Variants in UBAC2 observed in about 807,000 individuals in gnomAD.
UBAC2 encodes ubiquitin-associated domain-containing protein 2.
UBAC2 carries 26 observed loss-of-function variants against 44.0 expected under a neutral mutation model. The observed-to-expected ratio is 0.59, with a 90% confidence interval of 0.43 to 0.82. The LOEUF (loss-of-function observed/expected upper bound fraction) is 0.82. Ranked by LOEUF, UBAC2 falls within the 40% of genes least tolerant of loss-of-function variation. The pLI is 0.00. For synonymous variants in UBAC2, 155 were observed against 154.3 expected, an observed-to-expected ratio of 1.00 and a Z score of -0.04; for missense variants, 329 against 419.4, an observed-to-expected ratio of 0.78 and a Z score of 1.88.
chr13:99,316,286 G>A (rs532012988), intron 5 of UBAC2, among the ~76,000 whole-genome samples: 2 of 152,076 alleles, frequency 1.3e-5, no homozygotes, highest in South Asian at 2.1e-4. Context: ...TTGAAGGAGT[G>A]TAACTGAACT....
intron 1 of UBAC2, among the ~76,000 whole-genome samples, chr13:99,207,574 TCCGTC>T: frequency 6.6e-6 from 1 of 152,324 alleles, no homozygotes; most frequent in East Asian, 1.9e-4. Flanking sequence ...GTGGCCTGCT[TCCGTC>T]CCGCTATACC....
At chr13:99,297,550 T>C (rs562758117) in intron 4 of UBAC2, among the ~76,000 whole-genome samples, 6 of 152,238 alleles carry the variant, frequency 3.9e-5, no homozygotes, top group Admixed American at 3.3e-4. Flanking sequence ...TAGCAGAGGA[T>C]TGTGGTCATG....
intron 8 of UBAC2, among the ~76,000 whole-genome samples, chr13:99,368,728 C>CGTGTGTGTGT (rs1566525823): frequency 3.8e-3 from 347 of 91,106 alleles, no homozygotes; most frequent in African/African-American, 9.1e-3. Context: ...TGTGTGTGTA[C>CGTGTGTGTGT]ACATACCCTC....
At chr13:99,317,605 A>T (rs2044510015) in intron 5 of UBAC2, among the ~76,000 whole-genome samples, 1 of 152,216 alleles carries the variant, frequency 6.6e-6, no homozygotes, top group African/African-American at 2.4e-5. Context: ...AGAAATTAAA[A>T]TGAGAAAGTT....
chr13:99,309,308 A>G (rs954309032), intron 4 of UBAC2, among the ~76,000 whole-genome samples: 11 of 151,750 alleles, frequency 7.2e-5, no homozygotes, highest in Admixed American at 2.0e-4. Context: ...ACAAGGTTTC[A>G]CCATGTTGGC....
At chr13:99,306,006 C>T (rs1279450358) in intron 4 of UBAC2, among the ~76,000 whole-genome samples, 1 of 152,158 alleles carries the variant, frequency 6.6e-6, no homozygotes, top group African/African-American at 2.4e-5. Context: ...AGGGATTCTC[C>T]TGCCTCACCC....
intron 4 of UBAC2, among the ~76,000 whole-genome samples, chr13:99,264,044 G>T (rs528140678): frequency 6.6e-6 from 1 of 152,202 alleles, no homozygotes; most frequent in Admixed American, 6.5e-5. Context: ...TGTATGGCAG[G>T]ATCCTGGAGC....
chr13:99,209,260 C>T (rs569967368), intron 1 of UBAC2, among the ~76,000 whole-genome samples: 24 of 152,214 alleles, frequency 1.6e-4, no homozygotes, highest in Non-Finnish European at 2.8e-4. Flanking sequence ...CAAGGATTCA[C>T]TTCACAAAGC....
chr13:99,304,469 C>A (rs1351847515), intron 4 of UBAC2, among the ~76,000 whole-genome samples: 3 of 152,022 alleles, frequency 2.0e-5, no homozygotes, highest in Non-Finnish European at 4.4e-5. Flanking sequence ...GAGTGGGGAC[C>A]CTATGGTGTT....
intron 2 of UBAC2, among the ~76,000 whole-genome samples, chr13:99,242,636 A>G (rs1339858222): frequency 1.7e-5 from 1 of 59,102 alleles, no homozygotes; most frequent in African/African-American, 6.7e-5. Context: ...CGGGGGGCTG[A>G]CCCCCCCACC....
In UBAC2 at chr13:99,318,083, C is replaced by T. The variant is rs1425343838; in HGVS notation, c.561+14C>T. 1.1e-5 allele frequency: 18 copies of T among 1,604,574 alleles called. No individual in the cohort carries two copies. The highest frequency in any genetic ancestry group is 1.4e-5 in the Non-Finnish European group (17 of 1,172,504). ...ATAAGTGGACTTGTAAGTGTGACTA[C>T]CCTTTTACACCCAATTCTCTCTCTC... On this transcript the variant is annotated intron_variant, in intron 6 of 8. Transcript: ENST00000403766.
chr13:99,229,403 C>T (rs151119372), intron 1 of UBAC2, among the ~76,000 whole-genome samples: 1 of 152,298 alleles, frequency 6.6e-6, no homozygotes, highest in East Asian at 1.9e-4. Flanking sequence ...CAGAAAGCAA[C>T]ATGTTCAGGA....
chr13:99,259,155 A>T (rs1172337099), intron 4 of UBAC2, among the ~76,000 whole-genome samples: 4 of 152,212 alleles, frequency 2.6e-5, no homozygotes, highest in Non-Finnish European at 5.9e-5. Context: ...TGAGCAACGA[A>T]TCGCTGCCTG....
At chr13:99,208,023 G>A (rs1475059904) in intron 1 of UBAC2, among the ~76,000 whole-genome samples, 1 of 124,238 alleles carries the variant, frequency 8.0e-6, no homozygotes, top group Non-Finnish European at 1.6e-5. Flanking sequence ...TTGAGGTGGA[G>A]TTTCGCTCTT....
At chr13:99,245,693 T>C (rs2043375205) in intron 4 of UBAC2, among the ~76,000 whole-genome samples, 1 of 152,098 alleles carries the variant, frequency 6.6e-6, no homozygotes, top group East Asian at 1.9e-4. Context: ...ATACAAAAAT[T>C]AGTTGGGCGT....
chr13:99,305,463 G>A (rs567596573), intron 4 of UBAC2, among the ~76,000 whole-genome samples: 25 of 152,298 alleles, frequency 1.6e-4, no homozygotes, highest in Non-Finnish European at 2.9e-4. Flanking sequence ...GCTTTATTAG[G>A]TGCGAAGCTC....
chr13:99,255,349 A>G (rs1252547920), intron 4 of UBAC2: 14 of 1,614,074 alleles, frequency 8.7e-6, no homozygotes, highest in African/African-American at 2.7e-5. Flanking sequence ...GATGTCAGAA[A>G]TCTTGAGGCA....
At chr13:99,263,405 C>T (rs1489172525) in intron 4 of UBAC2, among the ~76,000 whole-genome samples, 1 of 152,146 alleles carries the variant, frequency 6.6e-6, no homozygotes, top group African/African-American at 2.4e-5. Flanking sequence ...TGTAAATCTG[C>T]TCAACTTTTT....
intron 1 of UBAC2, among the ~76,000 whole-genome samples, chr13:99,221,243 T>A (rs1228745401): frequency 6.6e-6 from 1 of 152,218 alleles, no homozygotes; most frequent in Non-Finnish European, 1.5e-5. Flanking sequence ...TTCCTAGAAA[T>A]GGATTTCTTG....
Sources: gnomAD v4.1 joint callset for allele counts (sites outside exome capture counted in the v4.1 genomes callset) on GRCh38, gnomAD v4.1.1 for gene constraint, MANE v1.5 for transcripts, NCBI Gene and HGNC (gene_info 2026-07-23, HGNC 2026-07-21) for gene names.